Variants in EYS observed in about 807,000 individuals in gnomAD.
The protein encoded by EYS is protein eyes shut homolog.
Under a neutral mutation model 282.1 loss-of-function variants are expected in EYS, and 250 were observed. The observed-to-expected ratio is 0.89, with a 90% CI of 0.80 to 0.98. The LOEUF (loss-of-function observed/expected upper bound fraction) is 0.98. Ranked by LOEUF, EYS falls within the 50% of genes least tolerant of loss-of-function variation. The pLI, the probability that EYS is intolerant of heterozygous loss-of-function variation, is 0.00. For missense variants in EYS, 4,016 were observed against 3,709.0 expected, an observed-to-expected ratio of 1.08 and a Z score of -2.15; for synonymous variants, 1,355 against 1,282.9, an observed-to-expected ratio of 1.06 and a Z score of -1.20.
At chr6:64,559,765 A>T (rs79827835) in intron 26 of EYS, among the ~76,000 whole-genome samples, 7 of 151,610 alleles carry the variant, frequency 4.6e-5, no homozygotes, top group South Asian at 4.2e-4. Context: ...TTAAAAAAAA[A>T]TTTTCATTCC....
intron 7 of EYS, among the ~76,000 whole-genome samples, chr6:65,393,237 GGGTGCAGCGCACCA>G (rs1276354144): frequency 1.3e-5 from 2 of 152,072 alleles, no homozygotes; most frequent in Non-Finnish European, 2.9e-5. Context: ...ATGAGTTAGT[GGGTGCAGCGCACCA>G]GCATGGCACA....
At chr6:64,953,643 G>T (rs951853434) in intron 14 of EYS, among the ~76,000 whole-genome samples, 1 of 151,664 alleles carries the variant, frequency 6.6e-6, no homozygotes, top group Non-Finnish European at 1.5e-5. Context: ...ATTTATCTTG[G>T]TGCTTTAAAT....
chr6:64,110,830 A>G (rs1182939450), intron 31 of EYS, among the ~76,000 whole-genome samples: 1 of 151,704 alleles, frequency 6.6e-6, no homozygotes, highest in Non-Finnish European at 1.5e-5. Flanking sequence ...ATGGCATTAG[A>G]AAAGCTGAAA....
chr6:64,281,667 T>C (rs1768313847), intron 30 of EYS, among the ~76,000 whole-genome samples: 2 of 152,118 alleles, frequency 1.3e-5, no homozygotes. Flanking sequence ...TGAAATTCTA[T>C]TTAGATTAGG....
intron 12 of EYS, among the ~76,000 whole-genome samples, chr6:65,189,502 T>C (rs1765592303): frequency 6.6e-6 from 1 of 151,790 alleles, no homozygotes. Flanking sequence ...TTAATGTTAG[T>C]ATAAAATATT....
intron 29 of EYS, among the ~76,000 whole-genome samples, chr6:64,312,002 G>A (rs6942025): frequency 0.68 from 97,292 of 142,668 alleles, 32,542 homozygotes; most frequent in Non-Finnish European, 0.71. Flanking sequence ...TCATACCCCA[G>A]TGGCACCTGG....
At chr6:64,316,744 C>A (rs1769983566) in intron 29 of EYS, among the ~76,000 whole-genome samples, 1 of 152,088 alleles carries the variant, frequency 6.6e-6, no homozygotes, top group Non-Finnish European at 1.5e-5. Flanking sequence ...AAAAAAGATC[C>A]CACATAGCCT....
At chr6:64,619,376 A>G (rs1479111587) in intron 23 of EYS, among the ~76,000 whole-genome samples, 2 of 152,206 alleles carry the variant, frequency 1.3e-5, no homozygotes, top group African/African-American at 2.4e-5. Context: ...GACTTCATTC[A>G]AGAGTACTGC....
intron 5 of EYS, among the ~76,000 whole-genome samples, chr6:65,443,285 T>C (rs1446503423): frequency 9.0e-6 from 1 of 110,850 alleles, no homozygotes; most frequent in African/African-American, 2.8e-5. Context: ...CATGTATGCA[T>C]GCATATATGC....
intron 13 of EYS, among the ~76,000 whole-genome samples, chr6:65,052,056 T>C (rs1397576878): frequency 6.6e-6 from 1 of 151,550 alleles, no homozygotes; most frequent in Non-Finnish European, 1.5e-5. Context: ...TTACTTCCAT[T>C]ATATTTCATG....
intron 12 of EYS, among the ~76,000 whole-genome samples, chr6:65,284,200 A>G (rs1254841298): frequency 6.6e-6 from 1 of 152,128 alleles, no homozygotes; most frequent in African/African-American, 2.4e-5. Context: ...AACTTTGGGG[A>G]AGCTAATGGC....
At chr6:64,979,589 G>A (rs1192886013) in intron 14 of EYS, among the ~76,000 whole-genome samples, 1 of 151,502 alleles carries the variant, frequency 6.6e-6, no homozygotes, top group East Asian at 1.9e-4. Flanking sequence ...TGAAGAATGA[G>A]GAGAGAAAGC....
chr6:65,549,856 G>A (rs1345264545), intron 2 of EYS, among the ~76,000 whole-genome samples: 1 of 152,108 alleles, frequency 6.6e-6, no homozygotes, highest in Non-Finnish European at 1.5e-5. Context: ...GCCGCCCATT[G>A]GCCAGAACAG....
chr6:64,758,065 T>C (rs1773015340), intron 22 of EYS, among the ~76,000 whole-genome samples: 1 of 152,198 alleles, frequency 6.6e-6, no homozygotes, highest in African/African-American at 2.4e-5. Flanking sequence ...TGAGCCACTG[T>C]GCCCGGCCCA....
At chr6:63,866,620 T>C (rs1772677395) in intron 35 of EYS, among the ~76,000 whole-genome samples, 1 of 152,232 alleles carries the variant, frequency 6.6e-6, no homozygotes, top group Non-Finnish European at 1.5e-5. Flanking sequence ...TCATCAGGTG[T>C]TGTCAGAAGT....
At chr6:63,913,679 C>T (rs1764340380) in intron 35 of EYS, among the ~76,000 whole-genome samples, 1 of 152,194 alleles carries the variant, frequency 6.6e-6, no homozygotes, top group Admixed American at 6.5e-5. Context: ...TTTATTATTA[C>T]AATAGTTTTC....
intron 35 of EYS, among the ~76,000 whole-genome samples, chr6:63,880,403 T>C (rs771746511): frequency 6.6e-6 from 1 of 151,592 alleles, no homozygotes; most frequent in Admixed American, 6.6e-5. Context: ...GACAGCCTAT[T>C]GTGGGACCTT....
chr6:65,514,436 C>A (rs955017524), intron 2 of EYS, among the ~76,000 whole-genome samples: 5 of 152,168 alleles, frequency 3.3e-5, no homozygotes, highest in Non-Finnish European at 5.9e-5. Context: ...TTGGAAAAAA[C>A]TACTTTAAAG....
intron 30 of EYS, among the ~76,000 whole-genome samples, chr6:64,260,976 T>C (rs1767568032): frequency 1.0e-5 from 1 of 99,966 alleles, no homozygotes; most frequent in Admixed American, 1.1e-4. Flanking sequence ...AATGATGAAA[T>C]CAGAGTAACT....
Sources: allele counts gnomAD v4.1 joint callset (sites outside exome capture counted in the v4.1 genomes callset), GRCh38; gene constraint gnomAD v4.1.1; transcripts MANE v1.5; gene names NCBI Gene and HGNC (gene_info 2026-07-23, HGNC 2026-07-21).